The following MID1IP1 variants were observed in gnomAD, a reference collection of about 807,000 sequenced individuals.
The protein encoded by MID1IP1 is MID1 interacting protein 1.
Under a neutral mutation model 6.8 loss-of-function variants are expected in MID1IP1, and 3 were observed. That is an observed-to-expected ratio of 0.44 (90% confidence interval 0.20 to 1.14). The LOEUF (loss-of-function observed/expected upper bound fraction) is 1.14. MID1IP1 is among the 50% of genes most tolerant of loss of function. MID1IP1 has a pLI of 0.26. For synonymous variants in MID1IP1, 87 were observed against 70.4 expected, an observed-to-expected ratio of 1.24 and a Z score of -1.18; for missense variants, 127 against 158.4, an observed-to-expected ratio of 0.80 and a Z score of 1.06.
intron 1 of MID1IP1, chrX:38,801,854 G>C (rs1226596521): frequency 1.8e-5 from 2 of 111,920 alleles, no homozygotes; most frequent in African/African-American, 6.5e-5. Context: ...TGAATACCGA[G>C]TTTTCATCCG....
Position 38,804,832 on chromosome X carries a change from A to T in MID1IP1, c.-115A>T. 1 of 784,971 alleles carries T rather than the reference A, an allele frequency of 1.3e-6. No individual in the cohort carries two copies. The highest frequency in any genetic ancestry group is 1.8e-6 in the Non-Finnish European group (1 of 561,675). 64.7% of individuals were successfully genotyped at this position (784,971 alleles called of 1,213,427 possible). A position where few individuals can be genotyped will look rare whatever the true frequency, so the allele number is the denominator to read the frequency against. ...TGCCGGGAATCCCGCCACACCGGCT[A>T]TAGCCAGGCCCCCAGCGCGGGCCTT... On this transcript the variant is annotated 5_prime_UTR_variant, in exon 3 of 3. Coordinates refer to ENST00000614558, the MANE Select transcript of MID1IP1 (RefSeq NM_021242.6).
chrX:38,801,902 AG>A (rs1191116819), intron 1 of MID1IP1: 1 of 112,316 alleles, frequency 8.9e-6, no homozygotes, highest in African/African-American at 3.2e-5. Flanking sequence ...GGGTCCAGGA[AG>A]GGGGACAAAG....
Position 38,805,736 on chromosome X carries a change from A to G in MID1IP1, c.*238A>G, listed in dbSNP as rs2070513091. The G allele has an allele frequency of 9.0e-6, 4 of 442,384 alleles. No homozygotes were observed. Among genetic ancestry groups the G allele is most frequent in the Non-Finnish European group, 1.6e-5 (4 of 247,297 alleles). The allele number at this position is 442,384 out of a possible 1,213,427, so 36.5% of individuals were successfully genotyped here. A position where few individuals can be genotyped will look rare whatever the true frequency, so the allele number is the denominator to read the frequency against. ...AGGAACCTCCTGGGAGGGGGCCTGC[A>G]TTCTATGTTGGTGGGAATGGGACTG... On this transcript the variant is annotated 3_prime_UTR_variant, in exon 3 of 3. Coordinates refer to ENST00000614558, the MANE Select transcript of MID1IP1 (RefSeq NM_021242.6).
At chrX:38,804,605 T>G in intron 2 of MID1IP1, 78 bp from the exon 3 acceptor site, 1 of 178,899 alleles carries the variant, frequency 5.6e-6, no homozygotes, top group Non-Finnish European at 1.0e-5. Context: ...GAGAAGGGGG[T>G]GCGCGCGGGC....
chrX:38,802,246 C>T (rs1030650196), intron 1 of MID1IP1, among the ~76,000 whole-genome samples: 1 of 112,497 alleles, frequency 8.9e-6, no homozygotes, highest in African/African-American at 3.2e-5. Flanking sequence ...ATGGAACAAG[C>T]TCCATTTTTT....
At chrX:38,804,568 G>A (rs2070494179) in intron 2 of MID1IP1, 115 bp from the exon 3 acceptor site, 1 of 142,703 alleles carries the variant, frequency 7.0e-6, no homozygotes, top group Non-Finnish European at 1.4e-5. Context: ...GAGCCACCCA[G>A]GCGCCGTCCC....
At position 38,805,634 on chromosome X, in the gene MID1IP1, A is replaced by G. The variant is rs1602159436; in HGVS notation, c.*136A>G. The stretch of plus-strand genomic sequence containing the variant: ...AACTGGGGGGCTGCGTACGTGCAGG[A>G]GGCGCGGTGGGGCTGCGTGGAGGAG... On this transcript the variant is annotated 3_prime_UTR_variant, in exon 3 of 3. Transcript: ENST00000614558. 1.8e-6 allele frequency: 1 copy of G among 540,659 alleles called. No homozygotes were observed. 44.6% of individuals were successfully genotyped at this position (540,659 alleles called of 1,213,427 possible).
At position 38,805,182 on chromosome X, in the gene MID1IP1, G is replaced by C. The variant is rs751226594; in HGVS notation, c.236G>C (p.Ser79Thr). The C allele has an allele frequency of 8.3e-7, 1 of 1,210,427 alleles. No homozygotes were observed. The highest frequency in any genetic ancestry group is 1.8e-5 in the South Asian group (1 of 56,854). Reference sequence around the variant, plus strand: ...CCCGACTCGGGAAGCGCCAATGGCAGCTTTTTCGCGCCCTCTCGGGACATG... The same window carrying C: ...CCCGACTCGGGAAGCGCCAATGGCACCTTTTTCGCGCCCTCTCGGGACATG... The part of the protein sequence containing the change: ...PVPDSGSANG[S>T]FFAPSRDMYS... The change falls in exon 3 of 3, where the codon AGC (serine) becomes ACC (threonine). Residue 79 changes from serine to threonine, a missense_variant. Ser to Thr is a moderately conservative substitution (Grantham distance 58). Transcript: ENST00000614558.
Position 38,805,350 on chromosome X carries a change from G to C in MID1IP1, c.404G>C (p.Gly135Ala), listed in dbSNP as rs1487313401. 1.7e-6 allele frequency: 2 copies of C among 1,206,651 alleles called. No individual in the cohort carries two copies. The highest frequency in any genetic ancestry group is 3.5e-5 in the African/African-American group (2 of 56,439). ...DILVDLGHLE[G>A]ADAGEEDLEQ... Reference sequence around the variant, plus strand: ...CTGGTGGACCTGGGCCACTTGGAGGGTGCGGACGCCGGCGAAGAAGACCTG... The same window carrying C: ...CTGGTGGACCTGGGCCACTTGGAGGCTGCGGACGCCGGCGAAGAAGACCTG... Residue 135 changes from glycine to alanine, a missense_variant, in exon 3 of 3, where the codon GGT becomes GCT. Coordinates refer to ENST00000614558, the MANE Select transcript of MID1IP1 (RefSeq NM_021242.6).
rs1404766941 is a variant in MID1IP1, at chrX:38,803,544, CG to C, written c.-1132del. On this transcript the variant is annotated 5_prime_UTR_variant, in exon 2 of 3. An upstream open reading frame in the 5' UTR loses its in-frame stop. Transcript: ENST00000614558. ...CTGATAGTGTGCCCCTCTTCATCCCCGGCAACCACTGTTAAAGGAAAGATTG... is the reference window on the plus strand; with the variant it reads ...CTGATAGTGTGCCCCTCTTCATCCCCGCAACCACTGTTAAAGGAAAGATTG... 1 of 112,715 alleles carries C rather than the reference CG, an allele frequency of 8.9e-6. No individual in the cohort carries two copies. Among genetic ancestry groups the C allele is most frequent in the Non-Finnish European group, 1.9e-5 (1 of 53,319 alleles). 9.3% of individuals were successfully genotyped at this position (112,715 alleles called of 1,213,427 possible).
At position 38,806,392 on chromosome X, in the gene MID1IP1, T is replaced by A. The variant is rs1569333140; in HGVS notation, c.*894T>A. Reference sequence around the variant, plus strand: ...TCTTAAATTTATTTAAAACTTTTTTTAATCCAGATGTAGACTATATTCTAA... The same window carrying A: ...TCTTAAATTTATTTAAAACTTTTTTAAATCCAGATGTAGACTATATTCTAA... On this transcript the variant is annotated 3_prime_UTR_variant, in exon 3 of 3. Coordinates refer to ENST00000614558, the MANE Select transcript of MID1IP1 (RefSeq NM_021242.6). The A allele has an allele frequency of 8.1e-6, 1 of 123,574 alleles. No homozygotes were observed. The allele number at this position is 123,574 out of a possible 1,213,427, so 10.2% of individuals were successfully genotyped here.
In MID1IP1 at chrX:38,805,704, GGGCCCAA is replaced by G. The variant is rs1408574751; in HGVS notation, c.*209_*215del. ...AAGAAAATGGTGGCCGGAGATGGGA[GGGCCCAA>G]GGAACCTCCTGGGAGGGGGCCTGCA... On this transcript the variant is annotated 3_prime_UTR_variant, in exon 3 of 3. Transcript: ENST00000614558. 1.5e-5 allele frequency: 7 copies of G among 459,115 alleles called. No individual in the cohort carries two copies. The highest frequency in any genetic ancestry group is 2.7e-5 in the Non-Finnish European group (7 of 260,265). 37.8% of individuals were successfully genotyped at this position (459,115 alleles called of 1,213,427 possible). A position where few individuals can be genotyped will look rare whatever the true frequency, so the allele number is the denominator to read the frequency against.
chrX:38,805,118 G>T lies in MID1IP1; in HGVS notation c.172G>T (p.Gly58Cys), dbSNP rs750476810. 3.0e-5 allele frequency: 36 copies of T among 1,207,014 alleles called. No individual in the cohort carries two copies. The East Asian group carries it at 1.1e-3, about 36-fold the overall frequency. The change falls in exon 3 of 3, where the codon GGC (glycine) becomes TGC (cysteine). Residue 58 changes from glycine (G) to cysteine (C), a missense_variant. Physicochemically the swap from Gly to Cys is radical, Grantham distance 159 (BLOSUM62 -3). Coordinates refer to ENST00000614558, the MANE Select transcript of MID1IP1 (RefSeq NM_021242.6). ...CAACGATGTTGGCGTGGAGGTAGGC[G>T]GCAGTGGCGGCTGCCTGGAGGAGCG... ...LDNDVGVEVG[G>C]SGGCLEERTP...
Position 38,804,838 on chromosome X carries a change from A to G in MID1IP1, c.-109A>G. The G allele has an allele frequency of 1.2e-6, 1 of 830,182 alleles. No individual in the cohort carries two copies. 68.4% of individuals were successfully genotyped at this position (830,182 alleles called of 1,213,427 possible). A position where few individuals can be genotyped will look rare whatever the true frequency, so the allele number is the denominator to read the frequency against. On this transcript the variant is annotated 5_prime_UTR_variant, in exon 3 of 3. Transcript: ENST00000614558. ...GAATCCCGCCACACCGGCTATAGCC[A>G]GGCCCCCAGCGCGGGCCTTGGAGAG...
chrX:38,805,565 T>A lies in MID1IP1; in HGVS notation c.*67T>A. 1.7e-5 allele frequency: 3 copies of A among 177,584 alleles called. No individual in the cohort carries two copies. Among genetic ancestry groups the A allele is most frequent in the Non-Finnish European group, 2.7e-5 (3 of 113,026 alleles). 14.6% of individuals were successfully genotyped at this position (177,584 alleles called of 1,213,427 possible). Reference sequence around the variant, plus strand: ...CTCACCCTCTCTCATTCCTCAAAGCTTTTTTTTTTTTTCCTGGCTGGGGGG... The same window carrying A: ...CTCACCCTCTCTCATTCCTCAAAGCATTTTTTTTTTTTCCTGGCTGGGGGG... On this transcript the variant is annotated 3_prime_UTR_variant, in exon 3 of 3. Coordinates refer to ENST00000614558, the MANE Select transcript of MID1IP1 (RefSeq NM_021242.6).
At position 38,804,343 on chromosome X, in the gene MID1IP1, T is replaced by G. The variant is rs769154910; in HGVS notation, c.-335T>G. The stretch of plus-strand genomic sequence containing the variant: ...CAGCCACTGACCGCAGCAGCGCCCT[T>G]GCGTAGCAGCCGCTTGCAGCGAGAA... On this transcript the variant is annotated 5_prime_UTR_variant, in exon 2 of 3. Coordinates refer to ENST00000614558, the MANE Select transcript of MID1IP1 (RefSeq NM_021242.6). 1.8e-5 allele frequency: 2 copies of G among 113,761 alleles called. No individual in the cohort carries two copies. The highest frequency in any genetic ancestry group is 5.6e-4 in the East Asian group (2 of 3,565). 9.4% of individuals were successfully genotyped at this position (113,761 alleles called of 1,213,427 possible).
chrX:38,805,810 G>T lies in MID1IP1; in HGVS notation c.*312G>T. On this transcript the variant is annotated 3_prime_UTR_variant, in exon 3 of 3. Transcript: ENST00000614558. ...GTGCCTTTCCTGGGGTTTCTTTTCT[G>T]TTCTTTTCGGAGGAGAGGGCCCGAG... 1 of 294,729 alleles carries T rather than the reference G, an allele frequency of 3.4e-6. No homozygotes were observed. The highest frequency in any genetic ancestry group is 6.8e-5 in the South Asian group (1 of 14,716). 24.3% of individuals were successfully genotyped at this position (294,729 alleles called of 1,213,427 possible). A position where few individuals can be genotyped will look rare whatever the true frequency, so the allele number is the denominator to read the frequency against.
At position 38,804,167 on chromosome X, in the gene MID1IP1, T is replaced by G. The variant is rs1238608575; in HGVS notation, c.-511T>G. 1 of 112,605 alleles carries G rather than the reference T, an allele frequency of 8.9e-6. No individual in the cohort carries two copies. The highest frequency in any genetic ancestry group is 3.2e-5 in the African/African-American group (1 of 30,922). 9.3% of individuals were successfully genotyped at this position (112,605 alleles called of 1,213,427 possible). On this transcript the variant is annotated 5_prime_UTR_variant, in exon 2 of 3. Transcript: ENST00000614558. Reference sequence around the variant, plus strand: ...AGTGTTACTCGCGGTCATCCCGGCCTGGGCCTTTTATCTCGGTGCTGCCGG... The same window carrying G: ...AGTGTTACTCGCGGTCATCCCGGCCGGGGCCTTTTATCTCGGTGCTGCCGG...
At position 38,805,502 on chromosome X, in the gene MID1IP1, G is replaced by T; in HGVS notation, c.*4G>T. On this transcript the variant is annotated 3_prime_UTR_variant, in exon 3 of 3. Coordinates refer to ENST00000614558, the MANE Select transcript of MID1IP1 (RefSeq NM_021242.6). ...CTTCGGCAATTGGGGCCACTGAGGC[G>T]TGGCGCCCGTGGCTGCCCAGCACCT... 1 of 1,198,719 alleles carries T rather than the reference G, an allele frequency of 8.3e-7. No individual in the cohort carries two copies. Among genetic ancestry groups the T allele is most frequent in the Non-Finnish European group, 1.1e-6 (1 of 885,591 alleles).
Sources: gnomAD v4.1 joint callset for allele counts (sites outside exome capture counted in the v4.1 genomes callset) on GRCh38, gnomAD v4.1.1 for gene constraint, MANE v1.5 for transcripts, NCBI Gene and HGNC (gene_info 2026-07-23, HGNC 2026-07-21) for gene names.